The following SLC2A7 variants were observed in gnomAD, a reference collection of about 807,000 sequenced individuals.
SLC2A7 encodes solute carrier family 2 member 7, also known as solute carrier family 2, facilitated glucose transporter member 7.
In SLC2A7, 50 loss-of-function variants were observed where a neutral mutation model predicts 50.5. The ratio of observed to expected loss-of-function variants is 0.99; its 90% CI spans 0.79 to 1.25. The LOEUF is 1.25. SLC2A7 is among the 50% of genes most tolerant of loss of function. The pLI is 0.00. For synonymous variants in SLC2A7, 308 were observed against 300.4 expected (o/e 1.03, Z -0.26); for missense variants, 683 against 679.1 (o/e 1.01, Z -0.06).
At chr1:9,015,923 G>A (rs1640823963) in intron 5 of SLC2A7, among the ~76,000 whole-genome samples, 1 of 151,338 alleles carries the variant, frequency 6.6e-6, no homozygotes. Context: ...TAGAGACAGA[G>A]TCTTGCTATG....
At chr1:9,005,957 G>A (rs1376912866) in intron 10 of SLC2A7, among the ~76,000 whole-genome samples, 3 of 152,142 alleles carry the variant, frequency 2.0e-5, no homozygotes, top group African/African-American at 7.2e-5. Context: ...CAAAGTGGAC[G>A]CCGGCAGGGA....
chr1:8,999,327 T>C (rs72642910), downstream of SLC2A7, among the ~76,000 whole-genome samples: 11,660 of 152,186 alleles, frequency 0.077, 516 homozygotes, highest in East Asian at 0.16. Context: ...GAGCAAGCTT[T>C]GGTCCTCTGT....
At chr1:9,024,170 A>G (rs1389615026) in intron 2 of SLC2A7, among the ~76,000 whole-genome samples, 1 of 152,100 alleles carries the variant, frequency 6.6e-6, no homozygotes, top group Admixed American at 6.5e-5. Context: ...AGCCCAGGAA[A>G]TATTTTTACT....
At chr1:8,999,146 A>G (rs1044976164), downstream of SLC2A7, among the ~76,000 whole-genome samples, 7 of 152,064 alleles carry the variant, frequency 4.6e-5, no homozygotes, top group Non-Finnish European at 1.0e-4. Flanking sequence ...TATTCAGGTT[A>G]TCTATTTCTT....
At chr1:9,020,228 G>A (rs1394640686) in intron 3 of SLC2A7, among the ~76,000 whole-genome samples, 1 of 152,154 alleles carries the variant, frequency 6.6e-6, no homozygotes, top group Non-Finnish European at 1.5e-5. Flanking sequence ...AAAGGGGAGG[G>A]CAGGAACAAA....
chr1:9,004,986 C>T, intron 10 of SLC2A7, 107 bp from the exon 11 acceptor site: 3 of 1,315,278 alleles, frequency 2.3e-6, no homozygotes, highest in South Asian at 1.5e-5. Flanking sequence ...TCAAGAGTAC[C>T]AGCTGGGATT....
chr1:9,025,106 G>T, intron 1 of SLC2A7, 32 bp from the exon 2 acceptor site: 3 of 1,607,422 alleles, frequency 1.9e-6, no homozygotes, highest in Non-Finnish European at 2.6e-6. Context: ...TCGGGACGCT[G>T]TGGGCTTGGG....
At chr1:9,004,116 C>T (rs1303402188) in intron 11 of SLC2A7, among the ~76,000 whole-genome samples, 1 of 151,594 alleles carries the variant, frequency 6.6e-6, no homozygotes, top group East Asian at 1.9e-4. Context: ...AATCCCAGCA[C>T]TTTCGAAGTT....
chr1:9,019,101 G>T lies in SLC2A7; in HGVS notation c.436+108C>A, dbSNP rs1469133882. On this transcript the variant is annotated intron_variant, in intron 4 of 11. Transcript: ENST00000400906. Reference sequence around the variant, plus strand: ...GGGGATGCAGATGGGAGGACGTCTTGAAATGAAAAGAGGCAGAGCCAGGCA... The same window carrying T: ...GGGGATGCAGATGGGAGGACGTCTTTAAATGAAAAGAGGCAGAGCCAGGCA... The T allele has an allele frequency of 2.0e-5, 29 of 1,448,692 alleles. No individual in the cohort carries two copies. The Admixed American group carries it at 7.0e-4, about 35-fold the overall frequency. The allele number at this position is 1,448,692 out of a possible 1,614,324, so 89.7% of individuals were successfully genotyped here. A position where few individuals can be genotyped will look rare whatever the true frequency, so the allele number is the denominator to read the frequency against.
chr1:9,013,066 T>G (rs1489483263), intron 8 of SLC2A7, among the ~76,000 whole-genome samples: 1 of 152,140 alleles, frequency 6.6e-6, no homozygotes, highest in Non-Finnish European at 1.5e-5. Flanking sequence ...CATTTTTGTA[T>G]TTTTTAATAG....
intron 8 of SLC2A7, among the ~76,000 whole-genome samples, chr1:9,012,088 C>T (rs1251764950): frequency 1.3e-5 from 2 of 152,106 alleles, no homozygotes; most frequent in Non-Finnish European, 2.9e-5. Context: ...TCTACTCCAT[C>T]CCTAATGGCT....
rs1415710954 is a variant in SLC2A7 at position 9,010,124 on chromosome 1, G to C, written c.1116+19C>G. ...CTCCCCATGACTCCCCACCCAGGGG[G>C]CAGGAAATGAGGTCAGACCTGGAAT... On this transcript the variant is annotated intron_variant, in intron 9 of 11. Transcript: ENST00000400906. The C allele has an allele frequency of 1.9e-6, 3 of 1,550,082 alleles. No homozygotes were observed. Among genetic ancestry groups the C allele is most frequent in the Admixed American group, 3.9e-5 (2 of 51,020 alleles).
chr1:9,017,806 T>C (rs930259063), intron 5 of SLC2A7, among the ~76,000 whole-genome samples: 8 of 152,134 alleles, frequency 5.3e-5, no homozygotes. Context: ...ACTGGGAAGA[T>C]AGAGGCCGCC....
intron 1 of SLC2A7, among the ~76,000 whole-genome samples, chr1:9,025,673 C>T (rs967120950): frequency 1.3e-5 from 2 of 152,206 alleles, no homozygotes; most frequent in African/African-American, 4.8e-5. Flanking sequence ...GCCTCTAGAA[C>T]AGGCCCTTAG....
chr1:8,996,857 C>T, the SLC2A7 span, among the ~76,000 whole-genome samples: 13 of 151,882 alleles, frequency 8.6e-5, no homozygotes, highest in Non-Finnish European at 1.8e-4. Flanking sequence ...CTCACTGCAA[C>T]CTCTGCCTCC....
In SLC2A7 at chr1:9,008,818, A is replaced by G. The variant is rs1640698711; in HGVS notation, c.1116+1325T>C. On this transcript the variant is annotated intron_variant, in intron 9 of 11. Transcript: ENST00000400906. This position sits in a 1 kb window ranked among gnomAD's most constrained non-coding sequence, Gnocchi z 5.9. ...CACCACGTGGTCAGGCTGCTCTAGA[A>G]CTCCTGACCTCAGGTGATCCACCCG... 6.6e-6 allele frequency among the ~76,000 whole-genome samples: 1 copy of G among 151,632 alleles called. No individual in the cohort carries two copies. Among genetic ancestry groups the G allele is most frequent in the Non-Finnish European group, 1.5e-5 (1 of 67,906 alleles).
chr1:9,009,411 G>A (rs1223053879), intron 9 of SLC2A7, among the ~76,000 whole-genome samples: 2 of 152,130 alleles, frequency 1.3e-5, no homozygotes, highest in Admixed American at 6.5e-5. Context: ...TTCTTGTTTG[G>A]GTGGTCTGCT....
downstream of SLC2A7, among the ~76,000 whole-genome samples, chr1:8,999,637 G>A (rs1032233207): frequency 6.6e-6 from 1 of 152,210 alleles, no homozygotes; most frequent in African/African-American, 2.4e-5. Context: ...GGCTTACTAT[G>A]AGACCTGGAC....
At chr1:9,012,331 A>G (rs1640761461) in intron 8 of SLC2A7, among the ~76,000 whole-genome samples, 1 of 152,190 alleles carries the variant, frequency 6.6e-6, no homozygotes, top group Non-Finnish European at 1.5e-5. Flanking sequence ...ATGATGGTGA[A>G]GCAGGTCCTA....
Sources: gnomAD v4.1 joint callset for allele counts (sites outside exome capture counted in the v4.1 genomes callset) on GRCh38, gnomAD v4.1.1 for gene constraint, Gnocchi (gnomAD v3.1) non-coding constraint, MANE v1.5 for transcripts, NCBI Gene and HGNC (gene_info 2026-07-23, HGNC 2026-07-21) for gene names.